TTLL5: variants seen among roughly 807,000 people sequenced by gnomAD.
The protein encoded by TTLL5 is tubulin polyglutamylase TTLL5.
Under a neutral mutation model 168.4 loss-of-function variants are expected in TTLL5, and 132 were observed. The observed-to-expected ratio is 0.78, with a 90% CI of 0.68 to 0.91. TTLL5 has a LOEUF of 0.91. Ranked by LOEUF, TTLL5 falls within the 40% of genes least tolerant of loss-of-function variation. TTLL5 has a pLI of 0.00. For missense variants in TTLL5, 1,545 were observed against 1,581.5 expected, an observed-to-expected ratio of 0.98 and a Z score of 0.39; for synonymous variants, 546 against 558.6, an observed-to-expected ratio of 0.98 and a Z score of 0.32.
intron 28 of TTLL5, among the ~76,000 whole-genome samples, chr14:75,843,796 G>A (rs1896384777): frequency 6.6e-6 from 1 of 151,716 alleles, no homozygotes. Context: ...TCCTTTGTTT[G>A]AAATGTTTTT....
At chr14:75,904,015 A>C (rs8015239) in intron 31 of TTLL5, 70,534 of 951,426 alleles carry the variant, frequency 0.074, 3,086 homozygotes, top group African/African-American at 0.16. Flanking sequence ...CGCTATAACT[A>C]CTGTAACTAC....
intron 6 of TTLL5, among the ~76,000 whole-genome samples, chr14:75,692,445 A>G (rs1376710057): frequency 6.6e-6 from 1 of 152,216 alleles, no homozygotes; most frequent in Non-Finnish European, 1.5e-5. Context: ...AAACAATACT[A>G]ATTAATATTA....
Position 75,861,498 on chromosome 14 carries a change from T to C in TTLL5, c.3327-2169T>C, listed in dbSNP as rs543938283. Among the ~76,000 whole-genome samples, 4 of 152,316 alleles carry C rather than the reference T, an allele frequency of 2.6e-5. No homozygotes were observed. The South Asian group carries it at 8.3e-4, about 32-fold the overall frequency. Reference sequence around the variant, plus strand: ...CTATGTGGCTTTTAGGTGAGGACTCTGGAAGGTCTGTGTAGCCTCACTTCA... The same window carrying C: ...CTATGTGGCTTTTAGGTGAGGACTCCGGAAGGTCTGTGTAGCCTCACTTCA... On this transcript the variant is annotated intron_variant, in intron 28 of 31. Transcript: ENST00000298832.
In TTLL5 at chr14:75,663,204, G is replaced by A. The variant is rs570516962; in HGVS notation, c.55G>A (p.Glu19Lys). Residue 19 changes from glutamate (E) to lysine (K), a missense_variant, in exon 2 of 32, where the codon GAG (glutamate) becomes AAG (lysine). By Grantham distance (56) the Glu-to-Lys change is moderately conservative. Coordinates refer to ENST00000298832, the MANE Select transcript of TTLL5 (RefSeq NM_015072.5). ...LEETASSSEDEEVISQEDHPC... is the reference protein window; with the variant it reads ...LEETASSSEDKEVISQEDHPC... ...GGAAACAGCATCATCCTCAGAGGATGAGGAGGTCATAAGTCAAGAGTAAGT... is the reference window on the plus strand; with the variant it reads ...GGAAACAGCATCATCCTCAGAGGATAAGGAGGTCATAAGTCAAGAGTAAGT... 6.2e-7 allele frequency: 1 copy of A among 1,613,208 alleles called. No homozygotes were observed. Among genetic ancestry groups the A allele is most frequent in the East Asian group, 2.2e-5 (1 of 44,886 alleles).
intron 1 of TTLL5, among the ~76,000 whole-genome samples, chr14:75,662,206 TG>T (rs1890779997): frequency 6.6e-6 from 1 of 152,220 alleles, no homozygotes; most frequent in Admixed American, 6.5e-5. Flanking sequence ...TATGGACCTT[TG>T]ATTCAAGAGA....
chr14:75,736,200 A>G (rs1183473978), intron 15 of TTLL5, among the ~76,000 whole-genome samples: 3 of 150,920 alleles, frequency 2.0e-5, no homozygotes, highest in Non-Finnish European at 4.4e-5. Context: ...TTTTCTTCCT[A>G]CTCCCCATTT....
intron 29 of TTLL5, among the ~76,000 whole-genome samples, chr14:75,874,155 G>A (rs1024655053): frequency 2.6e-5 from 4 of 151,858 alleles, no homozygotes; most frequent in East Asian, 1.9e-4. Flanking sequence ...GCAGTGGCTC[G>A]ATCTGGGCTC....
chr14:75,709,097 A>G, intron 9 of TTLL5: 1 of 694,350 alleles, frequency 1.4e-6, no homozygotes, highest in East Asian at 2.6e-5. Flanking sequence ...TATAAAGCAT[A>G]GCAGTTTAGG....
intron 26 of TTLL5, among the ~76,000 whole-genome samples, chr14:75,786,282 A>T (rs74069259): frequency 3.3e-5 from 5 of 152,296 alleles, no homozygotes; most frequent in African/African-American, 1.2e-4. Context: ...CAGTAAGATG[A>T]ATGTCTTCAG....
Position 75,720,676 on chromosome 14 carries a change from T to C in TTLL5, c.1015T>C (p.Phe339Leu). Reference sequence around the variant, plus strand: ...AGCTATTGCTACTGCCTGTAAAACCTTTGTTCCTCATCGCAGCAGTTGTTT... The same window carrying C: ...AGCTATTGCTACTGCCTGTAAAACCCTTGTTCCTCATCGCAGCAGTTGTTT... Reference protein sequence around the residue: ...ELAIATACKTFVPHRSSCFEL... With the variant: ...ELAIATACKTLVPHRSSCFEL... Residue 339 changes from phenylalanine (F) to leucine (L), a missense_variant, in exon 12 of 32, where the codon TTT becomes CTT. Transcript: ENST00000298832. 1.2e-6 allele frequency: 2 copies of C among 1,613,670 alleles called. No individual in the cohort carries two copies. Among genetic ancestry groups the C allele is most frequent in the Non-Finnish European group, 1.7e-6 (2 of 1,179,620 alleles).
chr14:75,669,603 A>G, intron 3 of TTLL5, 81 bp downstream of exon 3: 2 of 1,191,574 alleles, frequency 1.7e-6, no homozygotes, highest in Non-Finnish European at 2.3e-6. Flanking sequence ...TATGACATAT[A>G]TATAGGGAAA....
chr14:75,812,111 T>G (rs752376081), intron 27 of TTLL5, among the ~76,000 whole-genome samples: 2 of 152,096 alleles, frequency 1.3e-5, no homozygotes, highest in East Asian at 1.9e-4. Context: ...TAAACAGTGA[T>G]TTGGTACTAA....
intron 7 of TTLL5, 36 bp downstream of exon 7, chr14:75,699,306 C>T (rs771971104): frequency 1.3e-6 from 2 of 1,548,184 alleles, no homozygotes; most frequent in South Asian, 1.1e-5. Context: ...TCTCTCCTCA[C>T]TTGTTCTTTC....
intron 31 of TTLL5, among the ~76,000 whole-genome samples, chr14:75,948,003 TACAAC>T (rs2034830592): frequency 6.6e-6 from 1 of 151,868 alleles, no homozygotes; most frequent in African/African-American, 2.4e-5. Flanking sequence ...TAGGCGTGTA[TACAAC>T]ATCACACTAA....
chr14:75,801,164 C>T (rs773541810), intron 27 of TTLL5, among the ~76,000 whole-genome samples: 24 of 152,056 alleles, frequency 1.6e-4, no homozygotes, highest in African/African-American at 4.3e-4. Context: ...GTTAGGCATG[C>T]CCAAGCTCAG....
At chr14:75,769,389 T>C (rs1417070488) in intron 20 of TTLL5, among the ~76,000 whole-genome samples, 1 of 152,226 alleles carries the variant, frequency 6.6e-6, no homozygotes, top group Non-Finnish European at 1.5e-5. Context: ...TTTTTTAAAA[T>C]AGGTTTCTTT....
intron 31 of TTLL5, among the ~76,000 whole-genome samples, chr14:75,903,472 C>T (rs1049329033): frequency 1.3e-5 from 2 of 151,938 alleles, no homozygotes; most frequent in South Asian, 4.2e-4. Context: ...GTAGTAGGGC[C>T]ATTTTATGAG....
chr14:75,667,672 T>C (rs890324380), intron 2 of TTLL5, among the ~76,000 whole-genome samples: 2 of 152,072 alleles, frequency 1.3e-5, no homozygotes, highest in Non-Finnish European at 2.9e-5. Context: ...GTTGGCAGCT[T>C]GTCCCAAGTC....
In TTLL5 at chr14:75,776,825, T is replaced by C; in HGVS notation, c.2362T>C (p.Phe788Leu). The change falls in exon 23 of 32, where the codon TTT becomes CTT. Residue 788 changes from phenylalanine (F) to leucine (L), a missense_variant. Physicochemically the swap from Phe to Leu is conservative, Grantham distance 22 (BLOSUM62 0). Coordinates refer to ENST00000298832, the MANE Select transcript of TTLL5 (RefSeq NM_015072.5). ...EEEDGVNMEN[F>L]QEFIRQASEA... ...GGAAGATGGGGTGAATATGGAAAACTTTCAGGAGTTCATCAGACAAGCAAG... is the reference window on the plus strand; with the variant it reads ...GGAAGATGGGGTGAATATGGAAAACCTTCAGGAGTTCATCAGACAAGCAAG... 6.2e-7 allele frequency: 1 copy of C among 1,613,790 alleles called. No homozygotes were observed. The highest frequency in any genetic ancestry group is 8.5e-7 in the Non-Finnish European group (1 of 1,179,812).
Sources: gnomAD v4.1 joint callset for allele counts (sites outside exome capture counted in the v4.1 genomes callset) on GRCh38, gnomAD v4.1.1 for gene constraint, MANE v1.5 for transcripts, NCBI Gene and HGNC (gene_info 2026-07-23, HGNC 2026-07-21) for gene names.